Variants in R3HDM1 observed in about 807,000 individuals in gnomAD.
R3HDM1 encodes the protein R3H domain-containing protein 1.
Under a neutral mutation model 141.1 loss-of-function variants are expected in R3HDM1, and 46 were observed. The observed-to-expected ratio is 0.33, with a 90% CI of 0.26 to 0.42. The LOEUF (loss-of-function observed/expected upper bound fraction) is 0.42. R3HDM1 is among the 10% of genes least tolerant of loss of function. The probability of loss-of-function intolerance (pLI) is 1.00; values close to 1 mark genes in which losing one functional copy is unlikely to be tolerated. For missense variants in R3HDM1, 1,184 were observed against 1,368.3 expected (o/e 0.87, Z 2.12); for synonymous variants, 435 against 472.9 (o/e 0.92, Z 1.04).
Position 135,724,462 on chromosome 2 carries a change from A to G in R3HDM1, c.*170A>G. The G allele has an allele frequency of 1.8e-6, 1 of 550,184 alleles. No individual in the cohort carries two copies. The highest frequency in any genetic ancestry group is 3.3e-5 in the Admixed American group (1 of 30,028). The allele number at this position is 550,184 out of a possible 1,614,324, so 34.1% of individuals were successfully genotyped here. On this transcript the variant is annotated 3_prime_UTR_variant, in exon 27 of 27. Transcript: ENST00000683871. ...ATCCAGCAAAGGGGGAAAAATATGC[A>G]TTTCACCCCACATGACTAGGAATCC... is the stretch of plus-strand genomic sequence containing the variant.
intron 19 of R3HDM1, among the ~76,000 whole-genome samples, chr2:135,665,099 T>G (rs2067294663): frequency 6.6e-6 from 1 of 152,216 alleles, no homozygotes; most frequent in Non-Finnish European, 1.5e-5. Context: ...TGTCAATAAC[T>G]GGAGTCAATG....
intron 19 of R3HDM1, among the ~76,000 whole-genome samples, chr2:135,662,056 T>C (rs935897558): frequency 1.3e-5 from 2 of 152,246 alleles, no homozygotes; most frequent in African/African-American, 4.8e-5. Context: ...ATCTTATTGA[T>C]TTTTTAATGA....
At chr2:135,538,979 G>C (rs1696857696) in intron 1 of R3HDM1, among the ~76,000 whole-genome samples, 1 of 152,102 alleles carries the variant, frequency 6.6e-6, no homozygotes, top group South Asian at 2.1e-4. Context: ...TAAAAACCAA[G>C]ATGTAAACAC....
chr2:135,555,027 C>T (rs1219304124), intron 1 of R3HDM1, among the ~76,000 whole-genome samples: 3 of 152,064 alleles, frequency 2.0e-5, no homozygotes, highest in East Asian at 3.9e-4. Flanking sequence ...ATAAGTCGGG[C>T]GTGGTGGTTC....
intron 24 of R3HDM1, among the ~76,000 whole-genome samples, chr2:135,720,814 A>G (rs555245495): frequency 1.4e-4 from 21 of 152,364 alleles, no homozygotes; most frequent in African/African-American, 4.8e-4. Flanking sequence ...TATTATATGC[A>G]TAAATTTTTA....
chr2:135,616,671 A>G lies in R3HDM1; in HGVS notation c.217A>G (p.Ser73Gly). 6.2e-7 allele frequency: 1 copy of G among 1,600,146 alleles called. No homozygotes were observed. Among genetic ancestry groups the G allele is most frequent in the Non-Finnish European group, 8.5e-7 (1 of 1,169,884 alleles). Residue 73 changes from serine (S) to glycine (G), a missense_variant, in exon 5 of 27, where the codon AGC becomes GGC. Physicochemically the swap from Ser to Gly is moderately conservative, Grantham distance 56. Coordinates refer to ENST00000683871, the MANE Select transcript of R3HDM1 (RefSeq NM_001378107.1). The part of the protein sequence containing the change: ...FGQTGKRSKS[S>G]SKLKLVRSLA... ...AATTATAAATACTTCTCTTTAGTCA[A>G]GCTCAAAGTTAAAGCTAGTTCGGAG...
intron 21 of R3HDM1, among the ~76,000 whole-genome samples, chr2:135,702,975 C>T (rs1212520635): frequency 1.3e-5 from 2 of 152,132 alleles, no homozygotes; most frequent in Admixed American, 1.3e-4. Context: ...TCTAACAGAT[C>T]TGCTAATACG....
chr2:135,656,014 A>G (rs1297809854), intron 18 of R3HDM1, among the ~76,000 whole-genome samples: 1 of 152,154 alleles, frequency 6.6e-6, no homozygotes, highest in Non-Finnish European at 1.5e-5. Flanking sequence ...TCTGGTCATC[A>G]TTGATTTCAT....
intron 21 of R3HDM1, among the ~76,000 whole-genome samples, chr2:135,688,101 G>A (rs984346557): frequency 1.3e-5 from 2 of 152,310 alleles, no homozygotes; most frequent in South Asian, 4.1e-4. Context: ...GGCACATGCT[G>A]CCTCCCTGTT....
chr2:135,651,856 T>A lies in R3HDM1; in HGVS notation c.1852T>A (p.Tyr618Asn). The change falls in exon 18 of 27, where the codon TAT becomes AAT. Residue 618 changes from tyrosine (Y) to asparagine (N), a missense_variant. By Grantham distance (143) the Tyr-to-Asn change is moderately radical. This residue lies in a region of R3HDM1 where 563 missense variants were observed against 562.0 expected (regional missense o/e 1.00). Transcript: ENST00000683871. ...VVLQSPQQSG[Y>N]IMTAAPPPHP... Reference sequence around the variant, plus strand: ...TCTTCAGTCTCCACAGCAGTCTGGTTATATCATGACAGCAGCCCCTCCACC... The same window carrying A: ...TCTTCAGTCTCCACAGCAGTCTGGTAATATCATGACAGCAGCCCCTCCACC... 2 of 1,614,090 alleles carry A rather than the reference T, an allele frequency of 1.2e-6. No individual in the cohort carries two copies. Among genetic ancestry groups the A allele is most frequent in the Non-Finnish European group, 1.7e-6 (2 of 1,180,008 alleles).
chr2:135,720,593 C>T (rs1254491202), intron 24 of R3HDM1, among the ~76,000 whole-genome samples: 1 of 152,178 alleles, frequency 6.6e-6, no homozygotes, highest in East Asian at 1.9e-4. Context: ...GATCTCCATC[C>T]TCATTAACCC....
At chr2:135,587,196 C>G (rs1708137967) in intron 1 of R3HDM1, among the ~76,000 whole-genome samples, 1 of 152,086 alleles carries the variant, frequency 6.6e-6, no homozygotes, top group Non-Finnish European at 1.5e-5. Context: ...TACCTTGATA[C>G]TTTGATTCCT....
At chr2:135,713,134 A>G (rs2075838845) in intron 23 of R3HDM1, among the ~76,000 whole-genome samples, 1 of 152,092 alleles carries the variant, frequency 6.6e-6, no homozygotes, top group Non-Finnish European at 1.5e-5. Flanking sequence ...CCTGAGTGGT[A>G]GAGGCTGCAG....
chr2:135,589,621 A>G (rs1187379345), intron 1 of R3HDM1, among the ~76,000 whole-genome samples: 2 of 152,158 alleles, frequency 1.3e-5, no homozygotes, highest in Non-Finnish European at 2.9e-5. Flanking sequence ...AAATAGAGAA[A>G]AGCCTGAAGC....
intron 1 of R3HDM1, among the ~76,000 whole-genome samples, chr2:135,567,710 T>C (rs565003001): frequency 6.6e-6 from 1 of 152,220 alleles, no homozygotes; most frequent in South Asian, 2.1e-4. Context: ...CCTGTAGGTA[T>C]TTTTTCTATT....
intron 1 of R3HDM1, among the ~76,000 whole-genome samples, chr2:135,554,640 G>A (rs1007910910): frequency 3.3e-5 from 5 of 152,258 alleles, no homozygotes; most frequent in Non-Finnish European, 4.4e-5. Context: ...GTGGATTAGG[G>A]GTGGGCCCCT....
chr2:135,601,191 G>A (rs2059593035), intron 1 of R3HDM1, among the ~76,000 whole-genome samples: 1 of 152,126 alleles, frequency 6.6e-6, no homozygotes, highest in South Asian at 2.1e-4. Context: ...TGTTTTTGGT[G>A]GAACTTAATC....
intron 6 of R3HDM1, 34 bp downstream of exon 6, chr2:135,621,642 AT>A: frequency 6.7e-7 from 1 of 1,500,836 alleles, no homozygotes; most frequent in Non-Finnish European, 8.9e-7. Context: ...TTAAAAAAAA[AT>A]TTTGCTATCA....
intron 21 of R3HDM1, among the ~76,000 whole-genome samples, chr2:135,707,894 C>G (rs2075141337): frequency 6.6e-6 from 1 of 152,210 alleles, no homozygotes; most frequent in East Asian, 1.9e-4. Flanking sequence ...TCTCTTTTTC[C>G]CTTTTATTGA....
Sources: allele counts gnomAD v4.1 joint callset (sites outside exome capture counted in the v4.1 genomes callset), GRCh38; gene constraint gnomAD v4.1.1; regional missense constraint gnomAD v4.1.1; transcripts MANE v1.5; gene names NCBI Gene and HGNC (gene_info 2026-07-23, HGNC 2026-07-21).